Variants in SLC12A1 observed in about 807,000 individuals in gnomAD.
SLC12A1 encodes the protein solute carrier family 12 member 1, also known as Na-K-2Cl cotransporter.
SLC12A1 carries 89 observed loss-of-function variants against 130.4 expected under a neutral mutation model. That is an observed-to-expected ratio of 0.68 (90% CI 0.58 to 0.81). The LOEUF (loss-of-function observed/expected upper bound fraction) is 0.81, where lower values mean the gene tolerates loss of function less well. Ranked by LOEUF, SLC12A1 falls within the 40% of genes least tolerant of loss-of-function variation. The pLI, the probability that SLC12A1 is intolerant of heterozygous loss-of-function variation, is 0.00. For missense variants in SLC12A1, 1,310 were observed against 1,336.4 expected, an observed-to-expected ratio of 0.98 and a Z score of 0.31; for synonymous variants, 499 against 460.0, an observed-to-expected ratio of 1.08 and a Z score of -1.09.
chr15:48,213,167 A>G (rs2041075537), intron 2 of SLC12A1, among the ~76,000 whole-genome samples: 1 of 152,224 alleles, frequency 6.6e-6, no homozygotes, highest in Non-Finnish European at 1.5e-5. Flanking sequence ...CCATGTCTGC[A>G]GGACTCCAGA....
intron 25 of SLC12A1, 47 bp downstream of exon 25, chr15:48,299,322 A>G (rs896897562): frequency 7.5e-6 from 11 of 1,475,902 alleles, no homozygotes; most frequent in Non-Finnish European, 9.9e-6. Flanking sequence ...ACTAGCTGAG[A>G]AAGGAAACAG....
intron 9 of SLC12A1, among the ~76,000 whole-genome samples, chr15:48,240,052 T>TCC (rs1220842254): frequency 2.1e-3 from 70 of 32,848 alleles, no homozygotes; most frequent in Admixed American, 3.7e-3. Flanking sequence ...TATATATCCA[T>TCC]ATATATATAT....
chr15:48,235,213 T>C, intron 9 of SLC12A1: 1 of 630,712 alleles, frequency 1.6e-6, no homozygotes, highest in Non-Finnish European at 2.8e-6. Flanking sequence ...TCTTATTCAG[T>C]GATATCAGAA....
In SLC12A1 at chr15:48,288,457, C is replaced by T; in HGVS notation, c.2814C>T (p.Asp938=). The T allele has an allele frequency of 1.3e-6, 2 of 1,555,640 alleles. No individual in the cohort carries two copies. Among genetic ancestry groups the T allele is most frequent in the Non-Finnish European group, 1.7e-6 (2 of 1,147,120 alleles). The change falls in exon 23 of 27, where the codon GAC becomes GAT. Residue 938 remains aspartate (D), a synonymous_variant. Coordinates refer to ENST00000380993, the MANE Select transcript of SLC12A1 (RefSeq NM_000338.3). ...YILTLRKKWK[D]CKLRIYVGGK... ...TAACTCTCAGAAAAAAATGGAAAGA[C>T]TGTAAATTAAGAATCTATGTGGGAG...
chr15:48,220,186 A>ATAG (rs1367401604), intron 2 of SLC12A1, among the ~76,000 whole-genome samples: 3 of 127,246 alleles, frequency 2.4e-5, no homozygotes, highest in South Asian at 2.6e-4. Flanking sequence ...TAGATAGATA[A>ATAG]AATGAAGTAC....
At chr15:48,299,062 G>T (rs1295276407) in intron 24 of SLC12A1, 78 bp from the exon 25 acceptor site, 5 of 1,247,658 alleles carry the variant, frequency 4.0e-6, no homozygotes, top group Non-Finnish European at 4.5e-6. Flanking sequence ...AGCCAGCAGA[G>T]CCAGTCACAC....
At chr15:48,258,401 C>G (rs1007341266) in intron 16 of SLC12A1, among the ~76,000 whole-genome samples, 4 of 144,900 alleles carry the variant, frequency 2.8e-5, no homozygotes, top group Non-Finnish European at 6.1e-5. Context: ...GACCTTTACT[C>G]CAGTTCCCAA....
chr15:48,297,186 C>T (rs534275749), intron 24 of SLC12A1, among the ~76,000 whole-genome samples: 7 of 152,148 alleles, frequency 4.6e-5, no homozygotes, highest in African/African-American at 1.2e-4. Flanking sequence ...AACAAGATGA[C>T]TGTCAATTGC....
At chr15:48,299,304 GCTGT>G in intron 25 of SLC12A1, 29 bp downstream of exon 25, 1 of 1,546,334 alleles carries the variant, frequency 6.5e-7, no homozygotes, top group Non-Finnish European at 8.7e-7. Context: ...TAATTTTTTT[GCTGT>G]CTAACTAGCT....
At chr15:48,240,740 A>G (rs2041506480) in intron 9 of SLC12A1, among the ~76,000 whole-genome samples, 1 of 152,178 alleles carries the variant, frequency 6.6e-6, no homozygotes, top group Non-Finnish European at 1.5e-5. Context: ...AAGTGAAGAC[A>G]TTAAAATTTA....
At chr15:48,278,706 A>C (rs1157594220) in intron 20 of SLC12A1, among the ~76,000 whole-genome samples, 1 of 152,156 alleles carries the variant, frequency 6.6e-6, no homozygotes, top group Non-Finnish European at 1.5e-5. Flanking sequence ...TTTGTGCTGT[A>C]ATGTTTTCCA....
intron 23 of SLC12A1, 84 bp from the exon 24 acceptor site, chr15:48,291,694 T>TGA: frequency 1.2e-6 from 1 of 824,856 alleles, no homozygotes; most frequent in Non-Finnish European, 2.0e-6. Flanking sequence ...TGATTGCTTT[T>TGA]GATATCTTAA....
chr15:48,253,838 T>C lies in SLC12A1; in HGVS notation c.1943-1973T>C, dbSNP rs1264264857. Among the ~76,000 whole-genome samples the C allele has an allele frequency of 2.0e-5, 3 of 152,222 alleles. 1 individual carries two copies. Among genetic ancestry groups the C allele is most frequent in the Non-Finnish European group, 2.9e-5 (2 of 68,044 alleles). ...GTCAGCATGTATTATTGCCAGATGA[T>C]TTTTTAAAAGCCATTCTAATAGATG... On this transcript the variant is annotated intron_variant, in intron 15 of 26. Transcript: ENST00000380993.
At chr15:48,243,604 A>G (rs1429436302) in intron 10 of SLC12A1, among the ~76,000 whole-genome samples, 1 of 152,184 alleles carries the variant, frequency 6.6e-6, no homozygotes, top group African/African-American at 2.4e-5. Context: ...GCAGTGAGCC[A>G]AGATCGTGCA....
chr15:48,206,453 G>A (rs945771200), intron 1 of SLC12A1, 123 bp downstream of exon 1: 9 of 152,158 alleles, frequency 5.9e-5, no homozygotes, highest in African/African-American at 2.2e-4. Flanking sequence ...AAACTAAAAC[G>A]ATAATAGCTT....
chr15:48,243,358 A>T (rs1033110915), intron 10 of SLC12A1, among the ~76,000 whole-genome samples: 1 of 152,108 alleles, frequency 6.6e-6, no homozygotes, highest in African/African-American at 2.4e-5. Flanking sequence ...GCTCTTTCAG[A>T]TAAAAGAGTC....
intron 14 of SLC12A1, among the ~76,000 whole-genome samples, chr15:48,250,880 C>T (rs754450624): frequency 3.3e-5 from 5 of 152,154 alleles, no homozygotes; most frequent in African/African-American, 1.2e-4. Context: ...AGGTGCCCTT[C>T]GTATCAGAGC....
At chr15:48,226,997 A>C in intron 5 of SLC12A1, 1 of 868,604 alleles carries the variant, frequency 1.2e-6, no homozygotes, top group Non-Finnish European at 1.8e-6. Context: ...TTTCTGTGAC[A>C]AGATTCAGAC....
intron 10 of SLC12A1, among the ~76,000 whole-genome samples, chr15:48,243,081 A>G (rs1597421406): frequency 6.6e-6 from 1 of 152,220 alleles, no homozygotes; most frequent in East Asian, 1.9e-4. Context: ...GGAGAAGGAC[A>G]GTCGTGGAGT....
Sources: gnomAD v4.1 joint callset for allele counts (sites outside exome capture counted in the v4.1 genomes callset) on GRCh38, gnomAD v4.1.1 for gene constraint, MANE v1.5 for transcripts, NCBI Gene and HGNC (gene_info 2026-07-23, HGNC 2026-07-21) for gene names.